CDYL2: variants seen among roughly 807,000 people sequenced by gnomAD.
CDYL2 encodes the protein chromodomain Y like 2.
Under a neutral mutation model 49.4 loss-of-function variants are expected in CDYL2, and 23 were observed. The ratio of observed to expected loss-of-function variants is 0.47; its 90% confidence interval spans 0.34 to 0.66. CDYL2 has a LOEUF of 0.66. Ranked by LOEUF, CDYL2 falls within the 30% of genes least tolerant of loss-of-function variation. CDYL2 has a pLI of 0.01. For synonymous variants in CDYL2, 360 were observed against 268.8 expected (o/e 1.34, Z -3.32); for missense variants, 678 against 656.4 (o/e 1.03, Z -0.36).
intron 3 of CDYL2, among the ~76,000 whole-genome samples, chr16:80,629,807 C>G (rs1907472059): frequency 6.6e-6 from 1 of 152,198 alleles, no homozygotes; most frequent in South Asian, 2.1e-4. Context: ...TCTGGTTCCT[C>G]CATTCACAAG....
intron 3 of CDYL2, among the ~76,000 whole-genome samples, chr16:80,629,420 G>A (rs1463801742): frequency 6.6e-6 from 1 of 152,192 alleles, no homozygotes; most frequent in Non-Finnish European, 1.5e-5. Context: ...TGCACATGGG[G>A]CCACGACAAG....
In CDYL2 at chr16:80,753,669, A is replaced by G. The variant is rs1474412806; in HGVS notation, c.24+50481T>C. On this transcript the variant is annotated intron_variant, in intron 1 of 6. Transcript: ENST00000570137. ...CCTCTCTAAACACAATATACAAAAC[A>G]ATAAATCTTCCAGAAGGTAACATGG... Among the ~76,000 whole-genome samples, 3 of 152,194 alleles carry G rather than the reference A, an allele frequency of 2.0e-5. No individual in the cohort carries two copies. In the East Asian group the frequency reaches 5.8e-4, roughly 29 times the overall value.
At chr16:80,724,516 A>C (rs1905104195) in intron 1 of CDYL2, among the ~76,000 whole-genome samples, 1 of 152,010 alleles carries the variant, frequency 6.6e-6, no homozygotes, top group Non-Finnish European at 1.5e-5. Flanking sequence ...GTTCATGAAG[A>C]CCCCTAACAC....
intron 1 of CDYL2, among the ~76,000 whole-genome samples, chr16:80,759,577 C>T (rs1191575677): frequency 1.3e-5 from 2 of 152,132 alleles, no homozygotes; most frequent in Non-Finnish European, 2.9e-5. Flanking sequence ...ATGAGTGCAT[C>T]GATCAAATTG....
intron 2 of CDYL2, among the ~76,000 whole-genome samples, chr16:80,634,016 C>T (rs991988182): frequency 9.9e-5 from 15 of 151,586 alleles, no homozygotes; most frequent in African/African-American, 2.2e-4. Flanking sequence ...AAACCTCCAT[C>T]GGAAGCAGAT....
At chr16:80,648,272 A>G (rs2142415247) in intron 2 of CDYL2, among the ~76,000 whole-genome samples, 1 of 152,306 alleles carries the variant, frequency 6.6e-6, no homozygotes, top group South Asian at 2.1e-4. Flanking sequence ...CAGACTAAGA[A>G]AAACAGAGAG....
rs768260824 is a variant in CDYL2, at chr16:80,685,107, C to T, written c.47G>A (p.Arg16Lys). The T allele has an allele frequency of 6.2e-7, 1 of 1,612,414 alleles. No homozygotes were observed. Among genetic ancestry groups the T allele is most frequent in the South Asian group, 1.1e-5 (1 of 90,888 alleles). ...LYEVERIVDK[R>K]KNKKGKWEYL... The stretch of plus-strand genomic sequence containing the variant: ...CTCCCATTTTCCTTTCTTGTTCTTC[C>T]TCTTGTCTACAATCCTTTCAACCTG... Residue 16 changes from arginine to lysine, a missense_variant, in exon 2 of 7, where the codon AGG becomes AAG. By Grantham distance (26) the Arg-to-Lys change is conservative (BLOSUM62 2). Transcript: ENST00000570137.
chr16:80,725,486 C>A (rs953056101), intron 1 of CDYL2, among the ~76,000 whole-genome samples: 1 of 152,230 alleles, frequency 6.6e-6, no homozygotes, highest in Non-Finnish European at 1.5e-5. Context: ...CCCAGCATAG[C>A]TCCTGGCCCA....
chr16:80,709,523 G>T (rs1467493297), intron 1 of CDYL2, among the ~76,000 whole-genome samples: 1 of 151,128 alleles, frequency 6.6e-6, no homozygotes, highest in Non-Finnish European at 1.5e-5. Flanking sequence ...GAAAGCTAAA[G>T]CTGCACCTAA....
chr16:80,684,912 C>A lies in CDYL2; in HGVS notation c.242G>T (p.Ser81Ile). Residue 81 changes from serine to isoleucine, a missense_variant, in exon 2 of 7, where the codon AGT becomes ATT. Transcript: ENST00000570137. ...CAGTTTCTCAACCGACGGGCCTCGA[C>A]TGTCACGCAGCAGCTTGGAGGTACT... Reference protein sequence around the residue: ...QSSTSKLLRDSRGPSVEKLSH... With the variant: ...QSSTSKLLRDIRGPSVEKLSH... The A allele has an allele frequency of 6.2e-7, 1 of 1,614,180 alleles. No individual in the cohort carries two copies. The highest frequency in any genetic ancestry group is 8.5e-7 in the Non-Finnish European group (1 of 1,180,042).
intron 1 of CDYL2, among the ~76,000 whole-genome samples, chr16:80,705,371 A>G (rs1170552922): frequency 6.6e-6 from 1 of 152,208 alleles, no homozygotes; most frequent in Non-Finnish European, 1.5e-5. Flanking sequence ...TAGAGTCCTA[A>G]TGTCATCCAG....
intron 1 of CDYL2, among the ~76,000 whole-genome samples, chr16:80,740,719 G>A (rs1459019170): frequency 6.6e-6 from 1 of 151,046 alleles, no homozygotes; most frequent in Non-Finnish European, 1.5e-5. Context: ...TAACCAGTGA[G>A]AAAATATAGT....
At chr16:80,666,637 C>T (rs78329939) in intron 2 of CDYL2, among the ~76,000 whole-genome samples, 3 of 152,218 alleles carry the variant, frequency 2.0e-5, no homozygotes, top group East Asian at 1.9e-4. Flanking sequence ...TGTGAAGAGC[C>T]CTGACAAAAT....
At chr16:80,696,879 C>T (rs1910633382) in intron 1 of CDYL2, among the ~76,000 whole-genome samples, 1 of 152,152 alleles carries the variant, frequency 6.6e-6, no homozygotes, top group South Asian at 2.1e-4. Flanking sequence ...CACTTAGAGA[C>T]CCAGCTCCTC....
At chr16:80,672,993 G>A (rs1370773306) in intron 2 of CDYL2, among the ~76,000 whole-genome samples, 1 of 152,184 alleles carries the variant, frequency 6.6e-6, no homozygotes, top group African/African-American at 2.4e-5. Context: ...TTTGTGTCTT[G>A]TAGGAGGAGC....
At chr16:80,605,365 T>C (rs1348104368) in intron 6 of CDYL2, among the ~76,000 whole-genome samples, 1 of 148,314 alleles carries the variant, frequency 6.7e-6, no homozygotes, top group East Asian at 1.9e-4. Flanking sequence ...ATATTATGTA[T>C]ATGTATAATA....
At chr16:80,726,581 A>C (rs2142532987) in intron 1 of CDYL2, among the ~76,000 whole-genome samples, 1 of 152,356 alleles carries the variant, frequency 6.6e-6, no homozygotes, top group South Asian at 2.1e-4. Flanking sequence ...AACTGCAACT[A>C]TTTGTTAGCT....
chr16:80,677,803 G>A (rs1186882311), intron 2 of CDYL2, among the ~76,000 whole-genome samples: 2 of 151,626 alleles, frequency 1.3e-5, no homozygotes, highest in Admixed American at 1.3e-4. Flanking sequence ...ACATTGCCAA[G>A]TCAATCCTAA....
At chr16:80,779,602 A>C (rs368835789) in intron 1 of CDYL2, among the ~76,000 whole-genome samples, 2 of 152,172 alleles carry the variant, frequency 1.3e-5, no homozygotes, top group South Asian at 2.1e-4. Context: ...AATTTCAAAA[A>C]AAACCAAGTA....
Sources: allele counts gnomAD v4.1 joint callset (sites outside exome capture counted in the v4.1 genomes callset), GRCh38; gene constraint gnomAD v4.1.1; transcripts MANE v1.5; gene names NCBI Gene and HGNC (gene_info 2026-07-23, HGNC 2026-07-21).